The following NELL1 variants were observed in gnomAD, a reference collection of about 807,000 sequenced individuals.
NELL1 encodes the protein neural EGFL like 1, also known as protein kinase C-binding protein NELL1.
Under a neutral mutation model 107.4 loss-of-function variants are expected in NELL1, and 76 were observed. That is an observed-to-expected ratio of 0.71 (90% CI 0.59 to 0.86). The LOEUF is 0.86. Among genes scored for constraint, NELL1 ranks in the 40% least tolerant of loss-of-function variants. The pLI is 0.00. For missense variants in NELL1, 1,024 were observed against 1,005.5 expected (o/e 1.02, Z -0.25); for synonymous variants, 353 against 341.2 (o/e 1.03, Z -0.38).
At chr11:20,970,059 C>T (rs1212520337) in intron 12 of NELL1, among the ~76,000 whole-genome samples, 1 of 137,266 alleles carries the variant, frequency 7.3e-6, no homozygotes, top group Non-Finnish European at 1.6e-5. Flanking sequence ...CTCTGTCCAT[C>T]CATCCATCCA....
intron 15 of NELL1, among the ~76,000 whole-genome samples, chr11:21,400,514 C>T (rs950464876): frequency 1.3e-5 from 2 of 151,742 alleles, no homozygotes; most frequent in Admixed American, 1.3e-4. Context: ...CTCCAGGCTG[C>T]CAGGGTCATA....
intron 14 of NELL1, among the ~76,000 whole-genome samples, chr11:21,356,946 C>A (rs1040907500): frequency 2.0e-4 from 31 of 152,196 alleles, no homozygotes; most frequent in African/African-American, 7.5e-4. Context: ...GAATAATGGT[C>A]TCCAACTCCA....
chr11:20,909,328 AAAAAC>A (rs1850073962), intron 5 of NELL1, among the ~76,000 whole-genome samples: 1 of 152,204 alleles, frequency 6.6e-6, no homozygotes, highest in East Asian at 1.9e-4. Context: ...AAAATTTTAA[AAAAAC>A]AAAACAAAAC....
intron 15 of NELL1, among the ~76,000 whole-genome samples, chr11:21,446,853 T>C (rs911015582): frequency 6.6e-6 from 1 of 152,190 alleles, no homozygotes; most frequent in South Asian, 2.1e-4. Context: ...TTCCTTCCTT[T>C]CAGGGTGATG....
intron 15 of NELL1, among the ~76,000 whole-genome samples, chr11:21,470,685 A>G (rs1183998753): frequency 1.3e-5 from 2 of 152,126 alleles, no homozygotes; most frequent in African/African-American, 4.8e-5. Context: ...CCTCAAGGAC[A>G]GAAGCCATGC....
intron 12 of NELL1, among the ~76,000 whole-genome samples, chr11:21,031,004 T>C (rs1165945508): frequency 1.3e-5 from 2 of 152,238 alleles, no homozygotes; most frequent in Non-Finnish European, 2.9e-5. Flanking sequence ...TAGCTGGGAC[T>C]GTGCCATTGT....
intron 14 of NELL1, among the ~76,000 whole-genome samples, chr11:21,275,125 A>G (rs1848825795): frequency 6.6e-6 from 1 of 152,202 alleles, no homozygotes; most frequent in Admixed American, 6.5e-5. Flanking sequence ...GGTTTTTTGA[A>G]AAGATCAACA....
At chr11:21,121,301 T>G (rs1018240664) in intron 13 of NELL1, among the ~76,000 whole-genome samples, 3 of 152,148 alleles carry the variant, frequency 2.0e-5, no homozygotes, top group African/African-American at 7.2e-5. Context: ...CAGGAAGTCA[T>G]GAAGCAGGGA....
At chr11:20,936,054 G>A (rs1299262822) in intron 9 of NELL1, among the ~76,000 whole-genome samples, 1 of 152,144 alleles carries the variant, frequency 6.6e-6, no homozygotes, top group Admixed American at 6.6e-5. Context: ...ATTAGGAAGT[G>A]CTCTCAGGAT....
At position 20,905,555 on chromosome 11, in the gene NELL1, A is replaced by T. The variant is rs192269861; in HGVS notation, c.604-12627A>T. ...GAAATAAGTCACGAAAATGATGTAT[A>T]AAAAAATGAGAATATCAATGAAGAG... On this transcript the variant is annotated intron_variant, in intron 5 of 19. Transcript: ENST00000357134. Among the ~76,000 whole-genome samples the T allele has an allele frequency of 4.0e-5, 6 of 150,342 alleles. 1 individual carries two copies. The East Asian group carries it at 1.2e-3, about 29-fold the overall frequency.
intron 14 of NELL1, among the ~76,000 whole-genome samples, chr11:21,312,607 G>A (rs949443890): frequency 2.6e-5 from 4 of 152,052 alleles, no homozygotes; most frequent in Non-Finnish European, 4.4e-5. Context: ...CTAGCACACA[G>A]AAGGTTAGAG....
At chr11:20,953,120 C>A (rs1292119465) in intron 11 of NELL1, among the ~76,000 whole-genome samples, 1 of 152,194 alleles carries the variant, frequency 6.6e-6, no homozygotes, top group East Asian at 1.9e-4. Context: ...ATCTGAGGCA[C>A]ATGGAATATG....
intron 12 of NELL1, among the ~76,000 whole-genome samples, chr11:21,010,883 G>T (rs1852432473): frequency 6.6e-6 from 1 of 152,054 alleles, no homozygotes; most frequent in South Asian, 2.1e-4. Context: ...ACCTTGGGCT[G>T]CCCAGCCCCC....
At chr11:20,703,693 G>A (rs944645058) in intron 2 of NELL1, among the ~76,000 whole-genome samples, 2 of 152,122 alleles carry the variant, frequency 1.3e-5, no homozygotes, top group African/African-American at 4.8e-5. Context: ...CAGAGATTCT[G>A]GTATGTTGTG....
At chr11:21,054,890 T>C (rs1853576584) in intron 12 of NELL1, among the ~76,000 whole-genome samples, 1 of 152,100 alleles carries the variant, frequency 6.6e-6, no homozygotes, top group Non-Finnish European at 1.5e-5. Flanking sequence ...TCAGACATTT[T>C]TGATTTATGT....
chr11:21,507,016 A>T (rs11026115), intron 15 of NELL1, among the ~76,000 whole-genome samples: 33,510 of 151,476 alleles, frequency 0.22, 4,100 homozygotes, highest in Middle Eastern at 0.28. Flanking sequence ...TTTAATCATC[A>T]CACTATCCAT....
chr11:20,934,231 G>A (rs1850676888), intron 9 of NELL1, among the ~76,000 whole-genome samples: 1 of 152,154 alleles, frequency 6.6e-6, no homozygotes, highest in African/African-American at 2.4e-5. Context: ...TGAGAAAGCA[G>A]GAGAAATTCT....
At position 21,573,352 on chromosome 11, in the gene NELL1, G is replaced by A. The variant is rs1432692709; in HGVS notation, c.2325G>A (p.Arg775=). 6.2e-7 allele frequency: 1 copy of A among 1,612,442 alleles called. No homozygotes were observed. Among genetic ancestry groups the A allele is most frequent in the East Asian group, 2.2e-5 (1 of 44,750 alleles). Reference sequence around the variant, plus strand: ...GCCTGGACAGCTATGGTGTTTCACGGCTTAGTGGCTCAGTGTGGACGATGG... The same window carrying A: ...GCCTGGACAGCTATGGTGTTTCACGACTTAGTGGCTCAGTGTGGACGATGG... The part of the protein sequence containing the change: ...KTCLDSYGVS[R]LSGSVWTMAG... Residue 775 remains arginine, a synonymous_variant, in exon 19 of 20, where the codon CGG becomes CGA. Transcript: ENST00000357134.
intron 2 of NELL1, among the ~76,000 whole-genome samples, chr11:20,702,937 T>C (rs531702858): frequency 3.0e-4 from 46 of 152,288 alleles, no homozygotes; most frequent in African/African-American, 1.1e-3. Context: ...ATTTTTGCAT[T>C]GATGTTCATC....
Sources: gnomAD v4.1 joint callset for allele counts (sites outside exome capture counted in the v4.1 genomes callset) on GRCh38, gnomAD v4.1.1 for gene constraint, MANE v1.5 for transcripts, NCBI Gene and HGNC (gene_info 2026-07-23, HGNC 2026-07-21) for gene names.